AFF1: variants seen among roughly 807,000 people sequenced by gnomAD.
AFF1 encodes the protein AF4/FMR2 family member 1.
AFF1 carries 48 observed loss-of-function variants against 121.7 expected under a neutral mutation model. The observed-to-expected ratio is 0.39, with a 90% CI of 0.31 to 0.50. The LOEUF (loss-of-function observed/expected upper bound fraction) is 0.50, where lower values mean the gene tolerates loss of function less well. AFF1 is among the 20% of genes least tolerant of loss of function. The pLI is 0.76. For synonymous variants in AFF1, 613 were observed against 563.0 expected, an observed-to-expected ratio of 1.09 and a Z score of -1.26; for missense variants, 1,523 against 1,511.7, an observed-to-expected ratio of 1.01 and a Z score of -0.12.
intron 2 of AFF1, among the ~76,000 whole-genome samples, chr4:87,022,586 A>G (rs1198169041): frequency 7.6e-5 from 7 of 91,534 alleles, no homozygotes; most frequent in Non-Finnish European, 1.4e-4. Context: ...ATATATATCT[A>G]TCTATATCTA....
intron 2 of AFF1, among the ~76,000 whole-genome samples, chr4:86,968,059 A>G (rs1391195321): frequency 3.9e-5 from 6 of 152,222 alleles, no homozygotes; most frequent in Admixed American, 2.6e-4. Context: ...GACAAAACCC[A>G]GGAGAGTGCT....
rs766229024 is a variant in AFF1 at position 87,132,361 on chromosome 4, C to G, written c.3264C>G (p.Phe1088Leu). 2.5e-6 allele frequency: 4 copies of G among 1,612,960 alleles called. No homozygotes were observed. The highest frequency in any genetic ancestry group is 1.1e-5 in the South Asian group (1 of 90,914). The change falls in exon 19 of 21, where the codon TTC (phenylalanine) becomes TTG (leucine). Residue 1088 changes from phenylalanine to leucine, a missense_variant. Phe to Leu is a conservative substitution (Grantham distance 22). Transcript: ENST00000395146. ...IKYSRTLNKH[F>L]ESSSKVAQAP... Reference sequence around the variant, plus strand: ...ATTCTCGTACTCTTAATAAACACTTCGAGAGTTCTTCCAAAGTCGCCCAGG... The same window carrying G: ...ATTCTCGTACTCTTAATAAACACTTGGAGAGTTCTTCCAAAGTCGCCCAGG...
chr4:86,942,710 T>A (rs888593727), intron 1 of AFF1, among the ~76,000 whole-genome samples: 1 of 152,224 alleles, frequency 6.6e-6, no homozygotes. Flanking sequence ...TAGACAAATA[T>A]GTCAGGCAAA....
rs543086243 is a variant in AFF1, at chr4:86,950,322, G to A, written c.38+1751G>A. The stretch of plus-strand genomic sequence containing the variant: ...GCCTCCCAATTAGCTGGGACTACAG[G>A]CGCATGCCCCGACACCTGGCTAATT... On this transcript the variant is annotated intron_variant, in intron 2 of 20. Transcript: ENST00000395146. Among the ~76,000 whole-genome samples the A allele has an allele frequency of 1.2e-4, 18 of 152,288 alleles. 1 individual carries two copies. In the South Asian group the frequency reaches 3.5e-3, roughly 30 times the overall value.
At chr4:87,067,348 A>G (rs977842786) in intron 4 of AFF1, among the ~76,000 whole-genome samples, 1 of 152,242 alleles carries the variant, frequency 6.6e-6, no homozygotes, top group South Asian at 2.1e-4. Context: ...ACCACTATGG[A>G]TAACTTCTAC....
intron 5 of AFF1, among the ~76,000 whole-genome samples, chr4:87,085,887 C>T (rs1044842609): frequency 4.6e-5 from 7 of 151,956 alleles, no homozygotes; most frequent in African/African-American, 1.7e-4. Context: ...TACAGGTGTG[C>T]GCCAGTACGC....
At chr4:86,984,631 T>G (rs1317335954) in intron 2 of AFF1, among the ~76,000 whole-genome samples, 1 of 152,014 alleles carries the variant, frequency 6.6e-6, no homozygotes, top group African/African-American at 2.4e-5. Context: ...CCAAGATACA[T>G]CTTAAGGATG....
At chr4:87,126,938 A>C in intron 14 of AFF1, 88 bp from the exon 15 acceptor site, 1 of 1,116,628 alleles carries the variant, frequency 9.0e-7, no homozygotes, top group Non-Finnish European at 1.3e-6. Flanking sequence ...TGAAACTACT[A>C]TTTCGGGCTA....
At chr4:87,026,369 A>G (rs553278736) in intron 2 of AFF1, among the ~76,000 whole-genome samples, 3 of 152,156 alleles carry the variant, frequency 2.0e-5, no homozygotes, top group Non-Finnish European at 4.4e-5. Context: ...AATTGCTGGG[A>G]TTACAGGTGT....
chr4:86,988,314 C>G (rs1724447151), intron 2 of AFF1, among the ~76,000 whole-genome samples: 1 of 152,126 alleles, frequency 6.6e-6, no homozygotes, highest in Admixed American at 6.6e-5. Context: ...ATTAACCAAC[C>G]TCTCTCCATA....
intron 2 of AFF1, among the ~76,000 whole-genome samples, chr4:87,028,748 G>A (rs765494349): frequency 4.6e-5 from 7 of 152,128 alleles, no homozygotes; most frequent in Non-Finnish European, 7.3e-5. Context: ...CCCCATTTTT[G>A]GGTAACAGTA....
chr4:87,139,431 A>C lies in AFF1; in HGVS notation c.*3730A>C, dbSNP rs2149813734. The C allele has an allele frequency of 1.7e-5, 4 of 232,828 alleles. No individual in the cohort carries two copies. The East Asian group carries it at 2.4e-4, about 14-fold the overall frequency. 14.4% of individuals were successfully genotyped at this position (232,828 alleles called of 1,614,324 possible). On this transcript the variant is annotated 3_prime_UTR_variant, in exon 21 of 21. Coordinates refer to ENST00000395146, the MANE Select transcript of AFF1 (RefSeq NM_001166693.3). ...GATTCTTTATTTTCCCAAACACTACAAAAAAACTTTTAAAACTTTGCCATT... is the reference window on the plus strand; with the variant it reads ...GATTCTTTATTTTCCCAAACACTACCAAAAAACTTTTAAAACTTTGCCATT...
In AFF1 at chr4:87,063,873, T is replaced by TA. The variant is rs571854902; in HGVS notation, c.1059+16280dup. ...ATCTTCAAGTAGTCTGTATAGATGT[T>TA]ACAGCTGTGCCTAGAAGTCAGCAGA... On this transcript the variant is annotated intron_variant, in intron 4 of 20. Transcript: ENST00000395146. Among the ~76,000 whole-genome samples, 10 of 152,366 alleles carry TA rather than the reference T, an allele frequency of 6.6e-5. No homozygotes were observed. In the East Asian group the frequency reaches 1.9e-3, roughly 29 times the overall value.
intron 14 of AFF1, 130 bp from the exon 15 acceptor site, chr4:87,126,896 G>T: frequency 1.3e-6 from 1 of 758,324 alleles, no homozygotes; most frequent in South Asian, 1.7e-5. Flanking sequence ...TTTAGCCAGG[G>T]TAGATTGTGC....
At chr4:87,026,964 G>A (rs1728589561) in intron 2 of AFF1, among the ~76,000 whole-genome samples, 1 of 152,154 alleles carries the variant, frequency 6.6e-6, no homozygotes, top group African/African-American at 2.4e-5. Flanking sequence ...ATATGAAGAA[G>A]GAAATGTGAT....
intron 2 of AFF1, among the ~76,000 whole-genome samples, chr4:86,984,135 TGTAA>T (rs1029847431): frequency 9.2e-5 from 14 of 152,208 alleles, no homozygotes; most frequent in East Asian, 7.7e-4. Flanking sequence ...TTTATAAATG[TGTAA>T]GTGACAGAAT....
chr4:86,993,153 G>T (rs994794360), intron 2 of AFF1, among the ~76,000 whole-genome samples: 3 of 152,128 alleles, frequency 2.0e-5, no homozygotes, highest in African/African-American at 7.2e-5. Flanking sequence ...TCCTCAGATG[G>T]AAGGTAAAAT....
intron 2 of AFF1, among the ~76,000 whole-genome samples, chr4:87,014,772 C>T (rs1262788903): frequency 1.3e-5 from 2 of 152,172 alleles, no homozygotes; most frequent in African/African-American, 4.8e-5. Flanking sequence ...TGTTAAATTG[C>T]TTCTCCCCCA....
At chr4:87,116,140 G>A (rs1410965036) in intron 12 of AFF1, among the ~76,000 whole-genome samples, 1 of 152,174 alleles carries the variant, frequency 6.6e-6, no homozygotes, top group Non-Finnish European at 1.5e-5. Flanking sequence ...CTAACATGTG[G>A]TTAGTGTCTC....
Sources: gnomAD v4.1 joint callset for allele counts (sites outside exome capture counted in the v4.1 genomes callset) on GRCh38, gnomAD v4.1.1 for gene constraint, MANE v1.5 for transcripts, NCBI Gene and HGNC (gene_info 2026-07-23, HGNC 2026-07-21) for gene names.